PALS2: variants seen among roughly 807,000 people sequenced by gnomAD.
PALS2 encodes the protein protein PALS2.
Under a neutral mutation model 61.6 loss-of-function variants are expected in PALS2, and 27 were observed. That is an observed-to-expected ratio of 0.44 (90% CI 0.32 to 0.60). PALS2 has a LOEUF of 0.60. Ranked by LOEUF, PALS2 falls within the 20% of genes least tolerant of loss-of-function variation. The pLI is 0.05. For synonymous variants in PALS2, 236 were observed against 218.6 expected, an observed-to-expected ratio of 1.08 and a Z score of -0.70; for missense variants, 554 against 639.4, an observed-to-expected ratio of 0.87 and a Z score of 1.44.
intron 1 of PALS2, among the ~76,000 whole-genome samples, chr7:24,598,282 A>G (rs1783594169): frequency 6.6e-6 from 1 of 152,218 alleles, no homozygotes; most frequent in South Asian, 2.1e-4. Context: ...ACTTAAATTT[A>G]TGAAGGACAA....
Position 24,641,808 on chromosome 7 carries a change from A to G in PALS2, c.210A>G (p.Leu70=). 6.2e-7 allele frequency: 1 copy of G among 1,613,094 alleles called. No individual in the cohort carries two copies. Among genetic ancestry groups the G allele is most frequent in the Non-Finnish European group, 8.5e-7 (1 of 1,179,522 alleles). ...AAATTCTTGAAGACATCACTCCTCT[A>G]ATAAATGTGGATGAAAATGTGGCAG... ...VNEILEDITP[L]INVDENVAEL... is the part of the protein sequence containing the mutation. The change falls in exon 3 of 12, where the codon CTA becomes CTG. Residue 70 remains leucine (L), a synonymous_variant. Coordinates refer to ENST00000222644, the MANE Select transcript of PALS2 (RefSeq NM_001303037.2).
intron 2 of PALS2, among the ~76,000 whole-genome samples, chr7:24,625,758 T>C (rs1446915549): frequency 6.6e-6 from 1 of 152,154 alleles, no homozygotes; most frequent in African/African-American, 2.4e-5. Context: ...CTGTACTCTT[T>C]TGATGATAAA....
At chr7:24,628,159 C>T (rs1784832477) in intron 2 of PALS2, among the ~76,000 whole-genome samples, 1 of 152,172 alleles carries the variant, frequency 6.6e-6, no homozygotes, top group African/African-American at 2.4e-5. Context: ...CATTAAAAGG[C>T]TTATCCACCA....
chr7:24,654,449 C>G (rs1466158170), intron 5 of PALS2, among the ~76,000 whole-genome samples: 1 of 152,036 alleles, frequency 6.6e-6, no homozygotes, highest in East Asian at 1.9e-4. Context: ...GATGAAGACA[C>G]AAAACTCAAT....
chr7:24,611,901 T>G (rs1354848865), intron 1 of PALS2, among the ~76,000 whole-genome samples: 1 of 151,934 alleles, frequency 6.6e-6, no homozygotes, highest in Non-Finnish European at 1.5e-5. Flanking sequence ...TAATTCCTCA[T>G]AAGTTATATG....
chr7:24,625,506 C>G (rs1242614343), intron 2 of PALS2, among the ~76,000 whole-genome samples: 1 of 152,180 alleles, frequency 6.6e-6, no homozygotes, highest in Non-Finnish European at 1.5e-5. Flanking sequence ...TCTAAGGTCT[C>G]TCTGCTAGCA....
rs1247124801 is a variant in PALS2, at chr7:24,692,949, A to G, written c.*5335A>G. Reference sequence around the variant, plus strand: ...TTAGTTTGTGAACCTCAAAATCCAGATATTAATCCACTTTAGTTATTACTT... The same window carrying G: ...TTAGTTTGTGAACCTCAAAATCCAGGTATTAATCCACTTTAGTTATTACTT... On this transcript the variant is annotated 3_prime_UTR_variant, in exon 12 of 12. Transcript: ENST00000222644. The G allele has an allele frequency of 6.6e-6, 1 of 152,170 alleles. No individual in the cohort carries two copies. Among genetic ancestry groups the G allele is most frequent in the Non-Finnish European group, 1.5e-5 (1 of 68,014 alleles). 9.4% of individuals were successfully genotyped at this position (152,170 alleles called of 1,614,324 possible). A position where few individuals can be genotyped will look rare whatever the true frequency, so the allele number is the denominator to read the frequency against.
rs367697377 is a variant in PALS2, at chr7:24,634,420, C to T, written c.118-7296C>T. 3.9e-4 allele frequency among the ~76,000 whole-genome samples: 60 copies of T among 152,126 alleles called. 4 individuals are homozygous for T. In the South Asian group the frequency reaches 0.011, roughly 29 times the overall value. On this transcript the variant is annotated intron_variant, in intron 2 of 11. Transcript: ENST00000222644. Reference sequence around the variant, plus strand: ...TAATTTTTTGTATTTTTAGTAGAAACGGGGTTTCACCGTGTTAGCCAGTAT... The same window carrying T: ...TAATTTTTTGTATTTTTAGTAGAAATGGGGTTTCACCGTGTTAGCCAGTAT...
intron 11 of PALS2, among the ~76,000 whole-genome samples, chr7:24,681,095 C>A (rs948492391): frequency 6.6e-6 from 1 of 151,616 alleles, no homozygotes; most frequent in Non-Finnish European, 1.5e-5. Flanking sequence ...AATTGAACGC[C>A]TTCATTTTAC....
intron 2 of PALS2, 104 bp downstream of exon 2, chr7:24,623,888 TTTAG>T (rs1463940327): frequency 9.9e-7 from 1 of 1,010,452 alleles, no homozygotes; most frequent in East Asian, 2.6e-5. Context: ...ATACATTAGG[TTTAG>T]TTAGCAAATA....
chr7:24,678,804 A>G (rs187364603), intron 9 of PALS2, among the ~76,000 whole-genome samples: 1 of 152,230 alleles, frequency 6.6e-6, no homozygotes, highest in East Asian at 1.9e-4. Context: ...TTGGGGGACT[A>G]CCTCTTAAAA....
chr7:24,655,121 A>G (rs1472836459), intron 5 of PALS2, among the ~76,000 whole-genome samples: 2 of 152,240 alleles, frequency 1.3e-5, no homozygotes, highest in Admixed American at 6.5e-5. Context: ...CATCTTTTCT[A>G]CATTGCTGGT....
At chr7:24,629,034 A>G (rs1183393089) in intron 2 of PALS2, among the ~76,000 whole-genome samples, 1 of 152,154 alleles carries the variant, frequency 6.6e-6, no homozygotes, top group Non-Finnish European at 1.5e-5. Flanking sequence ...TATAGCCTAG[A>G]CAATCCTAAG....
intron 2 of PALS2, among the ~76,000 whole-genome samples, chr7:24,630,801 A>T (rs755709429): frequency 8.5e-5 from 13 of 152,348 alleles, no homozygotes; most frequent in Non-Finnish European, 1.5e-4. Context: ...AACTGGAACA[A>T]CAAAACCTAG....
chr7:24,635,843 A>G (rs963561154), intron 2 of PALS2, among the ~76,000 whole-genome samples: 2 of 152,198 alleles, frequency 1.3e-5, no homozygotes, highest in African/African-American at 4.8e-5. Context: ...CTTACAAGTT[A>G]TGCTGTAATG....
At chr7:24,574,281 A>G (rs551080836) in intron 1 of PALS2, 2 of 152,398 alleles carry the variant, frequency 1.3e-5, no homozygotes, top group Admixed American at 6.5e-5. Context: ...GATTCTCGGT[A>G]CGTTTGTCTG....
At chr7:24,630,982 T>G (rs1489143477) in intron 2 of PALS2, among the ~76,000 whole-genome samples, 1 of 152,210 alleles carries the variant, frequency 6.6e-6, no homozygotes, top group Non-Finnish European at 1.5e-5. Flanking sequence ...TTGTTTTCAT[T>G]CCTGCAGACA....
At chr7:24,662,598 G>T (rs149902857) in intron 5 of PALS2, among the ~76,000 whole-genome samples, 2 of 151,808 alleles carry the variant, frequency 1.3e-5, no homozygotes, top group South Asian at 4.2e-4. Context: ...GTGAAACCTG[G>T]TCTCTACTAA....
rs1200621952 is a variant in PALS2 at position 24,653,046 on chromosome 7, TTC to T, written c.651+2340_651+2341del. On this transcript the variant is annotated intron_variant, in intron 5 of 11. Coordinates refer to ENST00000222644, the MANE Select transcript of PALS2 (RefSeq NM_001303037.2). ...GTTTATTAAGGCCAACTGATAGGAATTCTCTCTTATTCTTTGGAACCAACATG... is the reference window on the plus strand; with the variant it reads ...GTTTATTAAGGCCAACTGATAGGAATTCTCTTATTCTTTGGAACCAACATG... Among the ~76,000 whole-genome samples, 3 of 152,188 alleles carry T rather than the reference TTC, an allele frequency of 2.0e-5. No homozygotes were observed. In the East Asian group the frequency reaches 5.8e-4, roughly 29 times the overall value.
Sources: gnomAD v4.1 joint callset for allele counts (sites outside exome capture counted in the v4.1 genomes callset) on GRCh38, gnomAD v4.1.1 for gene constraint, MANE v1.5 for transcripts, NCBI Gene and HGNC (gene_info 2026-07-23, HGNC 2026-07-21) for gene names.